TTN: variants seen among roughly 807,000 people sequenced by gnomAD.
TTN encodes the protein connectin.
In TTN, 1,525 loss-of-function variants were observed where a neutral mutation model predicts 3,223.0. That is an observed-to-expected ratio of 0.47 (90% confidence interval 0.45 to 0.49). The LOEUF is 0.49. Ranked by LOEUF, TTN falls within the 20% of genes least tolerant of loss-of-function variation. The probability of loss-of-function intolerance (pLI) is 0.00; values close to 1 mark genes in which losing one functional copy is unlikely to be tolerated. For missense variants in TTN, 40,786 were observed against 43,424.0 expected, an observed-to-expected ratio of 0.94 and a Z score of 5.40; for synonymous variants, 14,094 against 15,161.0, an observed-to-expected ratio of 0.93 and a Z score of 5.17.
Position 178,649,426 on chromosome 2 carries a change from A to G in TTN, c.39974-95T>C. On this transcript the variant is annotated intron_variant, in intron 212 of 362. Coordinates refer to ENST00000589042, the MANE Select transcript of TTN (RefSeq NM_001267550.2). ...CTGTATTTATTGGAGCAGCATTAAA[A>G]TTAATGAAAGCAAAATAAGGAAATT... 5 of 1,350,728 alleles carry G rather than the reference A, an allele frequency of 3.7e-6. No homozygotes were observed. In the South Asian group the frequency reaches 8.3e-5, roughly 22 times the overall value. 83.7% of individuals were successfully genotyped at this position (1,350,728 alleles called of 1,614,324 possible).
chr2:178,731,661 A>G (rs754472221), intron 58 of TTN, 32 bp downstream of exon 58: 8 of 1,582,000 alleles, frequency 5.1e-6, no homozygotes, highest in Non-Finnish European at 6.9e-6. Context: ...ACTCTTCAGA[A>G]AAGCCAGTCC....
chr2:178,653,295 G>C lies in TTN; in HGVS notation c.38734C>G (p.Leu12912Val). Residue 12912 changes from leucine to valine, a missense_variant, in exon 198 of 363, where the codon CTT becomes GTT. Transcript: ENST00000589042. ...GGAGCCAAGGGCACTTTCTTTTCAA[G>C]GACAACTTCTTTGGGAGCCTCTGGC... ...TVPEAPKEVV[L>V]EKKVPLAPPK... The C allele has an allele frequency of 6.2e-6, 10 of 1,612,308 alleles. No homozygotes were observed. The highest frequency in any genetic ancestry group is 8.5e-6 in the Non-Finnish European group (10 of 1,179,492).
intron 310 of TTN, 41 bp downstream of exon 310, chr2:178,584,628 T>A: frequency 6.2e-7 from 1 of 1,610,342 alleles, no homozygotes; most frequent in Non-Finnish European, 8.5e-7. Flanking sequence ...AGTAACAAAC[T>A]AGAAAGAAAA....
rs756551242 is a variant in TTN at position 178,564,677 on chromosome 2, A to G, written c.81455T>C (p.Ile27152Thr). The change falls in exon 326 of 363, where the codon ATT becomes ACT. Residue 27152 changes from isoleucine to threonine, a missense_variant. Coordinates refer to ENST00000589042, the MANE Select transcript of TTN (RefSeq NM_001267550.2). ...TTTGCTAGGCTTGCCAATGCCAACA[A>G]TATTTTCAGCAGAAACTTTGAACTC... Reference protein sequence around the residue: ...EYEFKVSAENIVGIGKPSKVS... With the variant: ...EYEFKVSAENTVGIGKPSKVS... The G allele has an allele frequency of 4.3e-6, 7 of 1,613,352 alleles. No homozygotes were observed. Among genetic ancestry groups the G allele is most frequent in the Non-Finnish European group, 5.9e-6 (7 of 1,179,704 alleles).
chr2:178,738,402 G>A (rs2081904323), intron 48 of TTN, 42 bp from the exon 49 acceptor site: 6 of 1,550,774 alleles, frequency 3.9e-6, no homozygotes, highest in Non-Finnish European at 5.2e-6. Flanking sequence ...CTCCTTATCA[G>A]GCATATGACA....
intron 44 of TTN, among the ~76,000 whole-genome samples, chr2:178,758,414 C>T (rs1434889608): frequency 1.3e-5 from 2 of 152,230 alleles, no homozygotes; most frequent in East Asian, 1.9e-4. Flanking sequence ...TCAAATTCCC[C>T]ATGTTACTGA....
chr2:178,723,518 C>T lies in TTN; in HGVS notation c.21582G>A (p.Leu7194=). The T allele has an allele frequency of 6.2e-7, 1 of 1,613,320 alleles. No individual in the cohort carries two copies. Among genetic ancestry groups the T allele is most frequent in the Non-Finnish European group, 8.5e-7 (1 of 1,179,578 alleles). ...GAGATATGTCAATATTAAATAATTC[C>T]AGTTCTGCCACAGTGTCTTCAAAAT... ...NIYFEDTVAE[L]ELFNIDISQS... is the part of the protein sequence containing the mutation. The change falls in exon 74 of 363, where the codon CTG becomes CTA. Residue 7194 remains leucine (L), a synonymous_variant. Transcript: ENST00000589042.
At chr2:178,644,687 C>A in intron 217 of TTN, 71 bp from the exon 218 acceptor site, 1 of 1,231,682 alleles carries the variant, frequency 8.1e-7, no homozygotes, top group Non-Finnish European at 1.1e-6. Flanking sequence ...CTTTCTACTC[C>A]AAGAATCAAA....
At position 178,776,457 on chromosome 2, in the gene TTN, C is replaced by T. The variant is rs778103429; in HGVS notation, c.5407G>A (p.Glu1803Lys). 1 of 1,608,502 alleles carries T rather than the reference C, an allele frequency of 6.2e-7. No homozygotes were observed. The highest frequency in any genetic ancestry group is 2.2e-5 in the East Asian group (1 of 44,878). ...TTCCTCCCCTCAGGCAATTGGGATT[C>T]TTCCACAAGACTTTTCTCATCTTTA... ...IVKDEKSLVE[E>K]SQLPEGRKGL... The change falls in exon 28 of 363, where the codon GAA (glutamate) becomes AAA (lysine). Residue 1803 changes from glutamate (E) to lysine (K), a missense_variant. Coordinates refer to ENST00000589042, the MANE Select transcript of TTN (RefSeq NM_001267550.2).
Position 178,671,058 on chromosome 2 carries a change from A to G in TTN, c.35308+32T>C, listed in dbSNP as rs752501327. On this transcript the variant is annotated intron_variant, in intron 156 of 362. Transcript: ENST00000589042. The stretch of plus-strand genomic sequence containing the variant: ...GCAACCAAGGTGCTATTGTATGTAA[A>G]GTTAAGTAGTAATTTTTCACAAAGA... 19 of 1,544,162 alleles carry G rather than the reference A, an allele frequency of 1.2e-5. No homozygotes were observed. In the African/African-American group the frequency reaches 2.4e-4, roughly 19 times the overall value.
At position 178,620,301 on chromosome 2, in the gene TTN, T is replaced by C. The variant is rs375445028; in HGVS notation, c.46220A>G (p.Asp15407Gly). 5.7e-6 allele frequency: 9 copies of C among 1,570,328 alleles called. No homozygotes were observed. The East Asian group carries it at 1.1e-4, about 20-fold the overall frequency. The change falls in exon 248 of 363, where the codon GAC (aspartate) becomes GGC (glycine). Residue 15407 changes from aspartate to glycine, a missense_variant. Transcript: ENST00000589042. The stretch of plus-strand genomic sequence containing the variant: ...GGAGAGCTGGCAGGAGAAGACAGCG[T>C]CATCGAACTCAGTGACTGTCTGATC... ...LEDQTVTEFD[D>G]AVFSCQLSRE...
chr2:178,635,407 C>T, intron 227 of TTN, 33 bp downstream of exon 227: 1 of 1,603,046 alleles, frequency 6.2e-7, no homozygotes, highest in Non-Finnish European at 8.5e-7. Context: ...ATACGCAAAA[C>T]TTATAATTTG....
rs760951238 is a variant in TTN at position 178,663,954 on chromosome 2, A to T, written c.36365-52T>A. On this transcript the variant is annotated intron_variant, in intron 169 of 362. Transcript: ENST00000589042. Reference sequence around the variant, plus strand: ...TTAGGTGTTATGAAGACCGCTAGAAAAAAATATTGTCAAGAGCAGAAGAAT... The same window carrying T: ...TTAGGTGTTATGAAGACCGCTAGAATAAAATATTGTCAAGAGCAGAAGAAT... 3.3e-4 allele frequency: 539 copies of T among 1,612,566 alleles called. 1 individual carries two copies. The highest frequency in any genetic ancestry group is 4.5e-4 in the Non-Finnish European group (525 of 1,179,352).
At chr2:178,652,024 C>T (rs1576963918) in intron 204 of TTN, 57 bp from the exon 205 acceptor site, 2 of 1,608,862 alleles carry the variant, frequency 1.2e-6, no homozygotes, top group East Asian at 4.5e-5. Context: ...AGATAGTTTG[C>T]AAAAAAATGT....
rs1211080627 is a variant in TTN, at chr2:178,784,345, T to C, written c.2500A>G (p.Ile834Val). ...PKTEHGYEAS[I>V]AGSAIATLQK... ...AATGTGGCAATAGCACTACCGGCTATTGATGCCTACATGGAAACAGAGTCA... is the reference window on the plus strand; with the variant it reads ...AATGTGGCAATAGCACTACCGGCTACTGATGCCTACATGGAAACAGAGTCA... The change falls in exon 16 of 363, where the codon ATA becomes GTA. Residue 834 changes from isoleucine to valine, a missense_variant. Physicochemically the swap from Ile to Val is conservative, Grantham distance 29 (BLOSUM62 3). Coordinates refer to ENST00000589042, the MANE Select transcript of TTN (RefSeq NM_001267550.2). 14 of 1,614,076 alleles carry C rather than the reference T, an allele frequency of 8.7e-6. No homozygotes were observed. The highest frequency in any genetic ancestry group is 1.7e-4 in the Middle Eastern group (1 of 6,058).
chr2:178,647,114 T>C lies in TTN; in HGVS notation c.40172A>G (p.Glu13391Gly). ...VEETPEEIIY[E>G]EKASITIGRK... is the part of the protein sequence containing the mutation. ...ACCAATGGTTATAGATGCTTTTTCTTCATATATTATTTCCTCAGGAGTCTC... is the reference window on the plus strand; with the variant it reads ...ACCAATGGTTATAGATGCTTTTTCTCCATATATTATTTCCTCAGGAGTCTC... The change falls in exon 215 of 363, where the codon GAA becomes GGA. Residue 13391 changes from glutamate to glycine, a missense_variant. Coordinates refer to ENST00000589042, the MANE Select transcript of TTN (RefSeq NM_001267550.2). 2 of 1,434,646 alleles carry C rather than the reference T, an allele frequency of 1.4e-6. No homozygotes were observed. The highest frequency in any genetic ancestry group is 1.8e-6 in the Non-Finnish European group (2 of 1,088,486). 88.9% of individuals were successfully genotyped at this position (1,434,646 alleles called of 1,614,324 possible).
At chr2:178,787,657 T>C (rs2154352505) in intron 13 of TTN, among the ~76,000 whole-genome samples, 1 of 152,254 alleles carries the variant, frequency 6.6e-6, no homozygotes, top group African/African-American at 2.4e-5. Flanking sequence ...AACTGTCATA[T>C]GACTAAATAT....
chr2:178,592,074 C>G lies in TTN; in HGVS notation c.59830G>C (p.Gly19944Arg). 6.2e-7 allele frequency: 1 copy of G among 1,613,010 alleles called. No individual in the cohort carries two copies. Among genetic ancestry groups the G allele is most frequent in the Non-Finnish European group, 8.5e-7 (1 of 1,179,510 alleles). ...KSHFAKHLNE[G>R]NQYLFRVAAE... ...GCTACTCGGAAGAGGTACTGGTTGCCTTCATTCAGATGCTTAGCGAAGTGA... is the reference window on the plus strand; with the variant it reads ...GCTACTCGGAAGAGGTACTGGTTGCGTTCATTCAGATGCTTAGCGAAGTGA... Residue 19944 changes from glycine to arginine, a missense_variant, in exon 302 of 363, where the codon GGC (glycine) becomes CGC (arginine). Physicochemically the swap from Gly to Arg is moderately radical, Grantham distance 125. Coordinates refer to ENST00000589042, the MANE Select transcript of TTN (RefSeq NM_001267550.2).
At position 178,701,447 on chromosome 2, in the gene TTN, C is replaced by T. The variant is rs946095443; in HGVS notation, c.30598+81G>A. 1.1e-5 allele frequency: 15 copies of T among 1,424,100 alleles called. No homozygotes were observed. The African/African-American group carries it at 2.0e-4, about 19-fold the overall frequency. The allele number at this position is 1,424,100 out of a possible 1,614,324, so 88.2% of individuals were successfully genotyped here. ...TGTTCTGACTCTGCTGCAGTTTGGT[C>T]GCTGGTATAAAATTTCGTACAGATT... On this transcript the variant is annotated intron_variant, in intron 110 of 362. Coordinates refer to ENST00000589042, the MANE Select transcript of TTN (RefSeq NM_001267550.2).
Sources: allele counts gnomAD v4.1 joint callset (sites outside exome capture counted in the v4.1 genomes callset), GRCh38; gene constraint gnomAD v4.1.1; transcripts MANE v1.5; gene names NCBI Gene and HGNC (gene_info 2026-07-23, HGNC 2026-07-21).